The following AKAP13 variants were observed in gnomAD, a reference collection of about 807,000 sequenced individuals.
AKAP13 encodes A-kinase anchor protein 13.
Under a neutral mutation model 264.5 loss-of-function variants are expected in AKAP13, and 80 were observed. The observed-to-expected ratio is 0.30, with a 90% CI of 0.25 to 0.36. AKAP13 has a LOEUF of 0.36. Among genes scored for constraint, AKAP13 ranks in the 10% least tolerant of loss-of-function variants. AKAP13 has a pLI of 1.00. For synonymous variants in AKAP13, 1,380 were observed against 1,250.2 expected (o/e 1.10, Z -2.19); for missense variants, 3,712 against 3,435.2 (o/e 1.08, Z -2.01).
intron 2 of AKAP13, among the ~76,000 whole-genome samples, chr15:85,507,185 A>T (rs1049495315): frequency 6.6e-6 from 1 of 151,944 alleles, no homozygotes; most frequent in African/African-American, 2.4e-5. Flanking sequence ...AGGGGGTCTT[A>T]ATCTGTTTTT....
chr15:85,644,565 T>C (rs1050867308), intron 9 of AKAP13, among the ~76,000 whole-genome samples: 1 of 150,364 alleles, frequency 6.7e-6, no homozygotes, highest in African/African-American at 2.4e-5. Context: ...TAAAACTTCT[T>C]AGGGCCAGGC....
chr15:85,698,300 C>G (rs773621393), intron 17 of AKAP13, among the ~76,000 whole-genome samples: 1 of 151,612 alleles, frequency 6.6e-6, no homozygotes, highest in Non-Finnish European at 1.5e-5. Flanking sequence ...AACCCCATCT[C>G]TACTAAAATA....
intron 1 of AKAP13, among the ~76,000 whole-genome samples, chr15:85,412,068 A>G (rs1025982790): frequency 1.5e-4 from 23 of 152,074 alleles, no homozygotes; most frequent in African/African-American, 3.1e-4. Flanking sequence ...GCATAACTCA[A>G]GGAACCAGTA....
chr15:85,550,316 C>T (rs1447309345), intron 5 of AKAP13, among the ~76,000 whole-genome samples: 6 of 152,110 alleles, frequency 3.9e-5, no homozygotes, highest in African/African-American at 9.7e-5. Flanking sequence ...TAAAGTGCAC[C>T]GATCTGTCCA....
At chr15:85,674,931 A>C (rs2084142252) in intron 14 of AKAP13, among the ~76,000 whole-genome samples, 1 of 152,156 alleles carries the variant, frequency 6.6e-6, no homozygotes, top group African/African-American at 2.4e-5. Flanking sequence ...ATCAGAACAA[A>C]AATGTAATCA....
At chr15:85,715,620 G>A (rs929975647) in intron 19 of AKAP13, among the ~76,000 whole-genome samples, 168 bp from the exon 20 acceptor site, 3 of 146,046 alleles carry the variant, frequency 2.1e-5, no homozygotes, top group Non-Finnish European at 4.5e-5. Flanking sequence ...GAGCTGGATG[G>A]GTGATGCTTC....
At chr15:85,415,760 A>C (rs2072214502) in intron 1 of AKAP13, 1 of 603,398 alleles carries the variant, frequency 1.7e-6, no homozygotes, top group Non-Finnish European at 2.9e-6. Context: ...CTTTATCCCA[A>C]ACATTTTACA....
chr15:85,390,994 G>A (rs2070828159), intron 1 of AKAP13, among the ~76,000 whole-genome samples: 1 of 152,164 alleles, frequency 6.6e-6, no homozygotes, highest in South Asian at 2.1e-4. Context: ...TGGACTGGGT[G>A]TATGAATTAG....
chr15:85,522,598 A>T (rs2076862209), intron 3 of AKAP13, among the ~76,000 whole-genome samples: 2 of 152,108 alleles, frequency 1.3e-5, no homozygotes, highest in African/African-American at 4.8e-5. Context: ...AGATCCTTGT[A>T]CATTGTCCTC....
At chr15:85,673,836 C>A (rs920721973) in intron 14 of AKAP13, among the ~76,000 whole-genome samples, 15 of 144,832 alleles carry the variant, frequency 1.0e-4, no homozygotes, top group African/African-American at 3.9e-4. Flanking sequence ...CAGGTGCCCG[C>A]CACCACACCC....
intron 1 of AKAP13, among the ~76,000 whole-genome samples, chr15:85,455,197 C>T (rs2074241886): frequency 6.6e-6 from 1 of 151,854 alleles, no homozygotes; most frequent in Admixed American, 6.6e-5. Context: ...CTAATATGGT[C>T]TGTATATTTG....
chr15:85,606,913 C>T (rs568026729), intron 8 of AKAP13, among the ~76,000 whole-genome samples: 18 of 152,280 alleles, frequency 1.2e-4, no homozygotes, highest in African/African-American at 4.3e-4. Context: ...CAATGGGTCA[C>T]ACTAGTATTT....
chr15:85,577,888 C>T (rs1407442725), intron 6 of AKAP13: 3 of 908,870 alleles, frequency 3.3e-6, no homozygotes, highest in Admixed American at 6.2e-5. Flanking sequence ...ATTTAGGGCA[C>T]AGGCACATTG....
chr15:85,510,433 A>AGT (rs1267191428), intron 2 of AKAP13, among the ~76,000 whole-genome samples: 107 of 152,344 alleles, frequency 7.0e-4, no homozygotes, highest in African/African-American at 2.5e-3. Flanking sequence ...TTTTATTGCT[A>AGT]GTATACAATT....
intron 8 of AKAP13, chr15:85,620,316 G>A: frequency 1.4e-6 from 1 of 733,644 alleles, no homozygotes; most frequent in Admixed American, 2.6e-5. Flanking sequence ...GTGAATGTAA[G>A]CCTCTTAAAG....
At chr15:85,445,828 T>C (rs1322151014) in intron 1 of AKAP13, among the ~76,000 whole-genome samples, 1 of 152,206 alleles carries the variant, frequency 6.6e-6, no homozygotes, top group African/African-American at 2.4e-5. Context: ...TAAGGTAATT[T>C]TATTTTTAAT....
chr15:85,697,794 A>C (rs956697283), intron 17 of AKAP13, among the ~76,000 whole-genome samples: 1 of 152,222 alleles, frequency 6.6e-6, no homozygotes, highest in Non-Finnish European at 1.5e-5. Context: ...TGTCTGCATT[A>C]GTAAGGGGAG....
At chr15:85,576,469 C>T (rs992907989) in intron 6 of AKAP13, among the ~76,000 whole-genome samples, 7 of 152,142 alleles carry the variant, frequency 4.6e-5, no homozygotes, top group African/African-American at 1.7e-4. Context: ...ATTACAGACT[C>T]CCTGTTAGCA....
rs1417059309 is a variant in AKAP13, at chr15:85,747,679, G to A, written c.*3002G>A. On this transcript the variant is annotated 3_prime_UTR_variant, in exon 37 of 37. Transcript: ENST00000394518. ...TTCAAGACAATCAAATGTATTGACT[G>A]TGTTTTCTTCTTAGAAAATGGAGAG... The A allele has an allele frequency of 6.6e-6, 1 of 152,626 alleles. No individual in the cohort carries two copies. Among genetic ancestry groups the A allele is most frequent in the Non-Finnish European group, 1.5e-5 (1 of 68,046 alleles). The allele number at this position is 152,626 out of a possible 1,614,324, so 9.5% of individuals were successfully genotyped here.
Sources: gnomAD v4.1 joint callset for allele counts (sites outside exome capture counted in the v4.1 genomes callset) on GRCh38, gnomAD v4.1.1 for gene constraint, MANE v1.5 for transcripts, NCBI Gene and HGNC (gene_info 2026-07-23, HGNC 2026-07-21) for gene names.